Variants in CCDC141 observed in about 807,000 individuals in gnomAD.
CCDC141 encodes coiled-coil domain-containing protein 141.
CCDC141 carries 168 observed loss-of-function variants against 181.0 expected under a neutral mutation model. The ratio of observed to expected loss-of-function variants is 0.93; its 90% CI spans 0.82 to 1.05. The LOEUF is 1.05. CCDC141 is among the 50% of genes least tolerant of loss of function. The pLI, the probability that CCDC141 is intolerant of heterozygous loss-of-function variation, is 0.00. For synonymous variants in CCDC141, 666 were observed against 642.3 expected (o/e 1.04, Z -0.56); for missense variants, 1,902 against 1,788.5 (o/e 1.06, Z -1.14).
intron 7 of CCDC141, among the ~76,000 whole-genome samples, chr2:178,908,402 C>T (rs1044395719): frequency 6.6e-6 from 1 of 152,138 alleles, no homozygotes; most frequent in Non-Finnish European, 1.5e-5. Context: ...TCATGTTGGC[C>T]AGGCTGGTCT....
At position 178,881,648 on chromosome 2, in the gene CCDC141, T is replaced by C. The variant is rs77654430; in HGVS notation, c.1719+3253A>G. On this transcript the variant is annotated intron_variant, in intron 11 of 23. Transcript: ENST00000443758. ...GTGGGACAAGGACAGGATGAGCAAG[T>C]AGAGGTGAGGAATATCTTCTTCCCA... Among the ~76,000 whole-genome samples the C allele has an allele frequency of 8.9e-3, 1,355 of 152,006 alleles. 21 individuals carry two copies. Among genetic ancestry groups the C allele is most frequent in the African/African-American group, 0.031 (1,290 of 41,440 alleles).
chr2:178,871,325 A>C, intron 14 of CCDC141, 102 bp downstream of exon 14: 1 of 1,343,862 alleles, frequency 7.4e-7, no homozygotes, highest in Non-Finnish European at 1.0e-6. Context: ...TGTTTAAAAA[A>C]ATAGAAATTC....
At chr2:178,876,970 C>T (rs1686381998) in intron 12 of CCDC141, 1 of 151,990 alleles carries the variant, frequency 6.6e-6, no homozygotes, top group Admixed American at 6.6e-5. Flanking sequence ...TTAATATGTA[C>T]CAGCAAAGTG....
chr2:178,869,333 C>A, intron 14 of CCDC141, 28 bp from the exon 15 acceptor site: 2 of 1,543,720 alleles, frequency 1.3e-6, no homozygotes, highest in South Asian at 2.5e-5. Flanking sequence ...ATAAAAAAAT[C>A]TTGCTATTAA....
chr2:178,832,929 T>C lies in CCDC141; in HGVS notation c.*1244A>G, dbSNP rs768192526. 1.5e-3 allele frequency: 229 copies of C among 152,284 alleles called. 2 individuals carry two copies. The highest frequency in any genetic ancestry group is 1.3e-3 in the Non-Finnish European group (85 of 68,000). 9.4% of individuals were successfully genotyped at this position (152,284 alleles called of 1,614,324 possible). A position where few individuals can be genotyped will look rare whatever the true frequency, so the allele number is the denominator to read the frequency against. On this transcript the variant is annotated 3_prime_UTR_variant, in exon 24 of 24. Transcript: ENST00000443758. ...CTGAATAAAGTGTTTCAGAAAGGCA[T>C]AGAATACTTCAATATTATAGTAATA...
At chr2:179,047,654 T>C (rs549828672) in intron 1 of CCDC141, among the ~76,000 whole-genome samples, 8 of 152,346 alleles carry the variant, frequency 5.3e-5, no homozygotes, top group Admixed American at 1.3e-4. Context: ...CTTGGCATAT[T>C]GGATTTGAGT....
intron 2 of CCDC141, among the ~76,000 whole-genome samples, chr2:178,989,033 T>G (rs182877967): frequency 1.1e-4 from 16 of 152,320 alleles, no homozygotes; most frequent in African/African-American, 3.8e-4. Context: ...ATGTAAAAGC[T>G]AAAACTATAA....
intron 4 of CCDC141, among the ~76,000 whole-genome samples, chr2:178,966,868 G>A (rs548800089): frequency 3.3e-5 from 5 of 151,872 alleles, no homozygotes; most frequent in East Asian, 3.9e-4. Flanking sequence ...AAGGTTAGAC[G>A]AATTGCTAAC....
chr2:178,861,011 A>G (rs1029876603), intron 17 of CCDC141, among the ~76,000 whole-genome samples: 6 of 152,130 alleles, frequency 3.9e-5, no homozygotes, highest in Admixed American at 3.9e-4. Context: ...AACCTTATGG[A>G]ATGGATGCTT....
At chr2:179,019,361 T>C (rs1407681843) in intron 2 of CCDC141, among the ~76,000 whole-genome samples, 2 of 152,194 alleles carry the variant, frequency 1.3e-5, no homozygotes, top group African/African-American at 4.8e-5. Context: ...ATTTCATCTA[T>C]GCAGAACACT....
At chr2:179,025,449 A>T (rs1012041929) in intron 2 of CCDC141, among the ~76,000 whole-genome samples, 6 of 152,114 alleles carry the variant, frequency 3.9e-5, no homozygotes, top group Non-Finnish European at 7.4e-5. Flanking sequence ...TGCCCTGCAT[A>T]AGCTCTCTCT....
intron 2 of CCDC141, among the ~76,000 whole-genome samples, chr2:179,034,327 C>G (rs992118596): frequency 6.6e-6 from 1 of 152,068 alleles, no homozygotes; most frequent in Non-Finnish European, 1.5e-5. Context: ...AGGGGAACAA[C>G]AGACATTGGG....
intron 2 of CCDC141, among the ~76,000 whole-genome samples, chr2:179,019,577 T>C (rs887569491): frequency 3.3e-5 from 5 of 152,126 alleles, no homozygotes; most frequent in Non-Finnish European, 7.4e-5. Context: ...TTTCTTTCCC[T>C]TTCTATCCCC....
chr2:178,872,869 C>A (rs1015677463), intron 12 of CCDC141, among the ~76,000 whole-genome samples: 1 of 152,084 alleles, frequency 6.6e-6, no homozygotes, highest in African/African-American at 2.4e-5. Flanking sequence ...GTATTCAGAA[C>A]TACATCATAC....
At chr2:178,877,904 T>C in intron 12 of CCDC141, 60 bp downstream of exon 12, 2 of 1,475,122 alleles carry the variant, frequency 1.4e-6, no homozygotes, top group Non-Finnish European at 1.9e-6. Context: ...TTTGAAATTA[T>C]TATTTTGACT....
intron 2 of CCDC141, among the ~76,000 whole-genome samples, chr2:178,992,071 T>C (rs1191810936): frequency 1.3e-5 from 2 of 151,884 alleles, no homozygotes; most frequent in Non-Finnish European, 2.9e-5. Flanking sequence ...TAGATGAATA[T>C]GCCAATTTGT....
At chr2:179,021,802 G>C (rs2042698196) in intron 2 of CCDC141, among the ~76,000 whole-genome samples, 1 of 152,142 alleles carries the variant, frequency 6.6e-6, no homozygotes, top group Non-Finnish European at 1.5e-5. Flanking sequence ...GTTTATAATG[G>C]AAATGCCAGC....
intron 8 of CCDC141, among the ~76,000 whole-genome samples, chr2:178,900,118 C>A (rs1018596338): frequency 1.3e-5 from 2 of 152,112 alleles, no homozygotes; most frequent in African/African-American, 2.4e-5. Flanking sequence ...ATTATAATAT[C>A]TCGAGGAAAC....
chr2:179,005,317 A>AG (rs1318469836), intron 2 of CCDC141, among the ~76,000 whole-genome samples: 1 of 151,866 alleles, frequency 6.6e-6, no homozygotes, highest in East Asian at 1.9e-4. Context: ...GAGAATTTAA[A>AG]AAAAAAGGTT....
Sources: allele counts gnomAD v4.1 joint callset (sites outside exome capture counted in the v4.1 genomes callset), GRCh38; gene constraint gnomAD v4.1.1; transcripts MANE v1.5; gene names NCBI Gene and HGNC (gene_info 2026-07-23, HGNC 2026-07-21).